TJP2: variants seen among roughly 807,000 people sequenced by gnomAD.
The protein encoded by TJP2 is tight junction protein 2, also known as Friedreich ataxia region gene X104 (tight junction protein ZO-2).
Under a neutral mutation model 133.1 loss-of-function variants are expected in TJP2, and 91 were observed. The ratio of observed to expected loss-of-function variants is 0.68; its 90% CI spans 0.58 to 0.81. TJP2 has a LOEUF of 0.81. Ranked by LOEUF, TJP2 falls within the 40% of genes least tolerant of loss-of-function variation. The pLI, the probability that TJP2 is intolerant of heterozygous loss-of-function variation, is 0.00. For synonymous variants in TJP2, 592 were observed against 583.4 expected (o/e 1.01, Z -0.21); for missense variants, 1,541 against 1,565.6 (o/e 0.98, Z 0.26).
chr9:69,122,438 C>T (rs1036425660), intron 1 of TJP2, among the ~76,000 whole-genome samples: 1 of 152,234 alleles, frequency 6.6e-6, no homozygotes, highest in Non-Finnish European at 1.5e-5. Flanking sequence ...CGGGGATCTC[C>T]TCCGCCTAAC....
At chr9:69,137,713 T>G (rs969001647) in intron 1 of TJP2, among the ~76,000 whole-genome samples, 3 of 152,048 alleles carry the variant, frequency 2.0e-5, no homozygotes, top group Non-Finnish European at 4.4e-5. Flanking sequence ...GAAGAAACTT[T>G]CCAGCTTTTC....
chr9:69,152,817 CTTTTTTTTTTTTTTT>C (rs10543289), intron 2 of TJP2, among the ~76,000 whole-genome samples: 16 of 48,034 alleles, frequency 3.3e-4, no homozygotes, highest in Admixed American at 1.0e-3. Context: ...CTCTGGAGCT[CTTTTTTTTTTTTTTT>C]TTTTTTTTTT....
intron 1 of TJP2, among the ~76,000 whole-genome samples, chr9:69,178,920 A>G (rs1248026392): frequency 2.0e-5 from 3 of 152,128 alleles, no homozygotes; most frequent in South Asian, 2.1e-4. Flanking sequence ...CTGTAAATGC[A>G]TTTAATTTCT....
At chr9:69,181,900 C>T (rs949219290) in intron 1 of TJP2, among the ~76,000 whole-genome samples, 9 of 152,180 alleles carry the variant, frequency 5.9e-5, no homozygotes, top group Non-Finnish European at 8.8e-5. Flanking sequence ...GTGCTGGATT[C>T]TCTTCCTTAC....
intron 2 of TJP2, among the ~76,000 whole-genome samples, chr9:69,214,866 C>CA (rs10672826): frequency 0.22 from 30,506 of 135,704 alleles, 3,850 homozygotes; most frequent in Admixed American, 0.39. Flanking sequence ...GACTCCATCT[C>CA]AAAAAAAAAA....
chr9:69,205,018 T>A (rs1827284895), intron 1 of TJP2: 1 of 1,407,502 alleles, frequency 7.1e-7, no homozygotes, highest in African/African-American at 1.4e-5. Context: ...GCCATATGGA[T>A]GTGTCACTGT....
At position 69,240,953 on chromosome 9, in the gene TJP2, A is replaced by T. The variant is rs531499263; in HGVS notation, c.2566+806A>T. Among the ~76,000 whole-genome samples the T allele has an allele frequency of 2.2e-4, 34 of 152,314 alleles. 1 individual carries two copies. In the East Asian group the frequency reaches 4.2e-3, roughly 19 times the overall value. On this transcript the variant is annotated intron_variant, in intron 17 of 22. Coordinates refer to ENST00000377245, the MANE Select transcript of TJP2 (RefSeq NM_004817.4). ...GGAATGCATACTAAATAAAATATTTATGGTTGACCTAATATAATGTTGAGA... is the reference window on the plus strand; with the variant it reads ...GGAATGCATACTAAATAAAATATTTTTGGTTGACCTAATATAATGTTGAGA...
chr9:69,178,228 A>T (rs1825238848), intron 1 of TJP2, among the ~76,000 whole-genome samples: 1 of 152,218 alleles, frequency 6.6e-6, no homozygotes, highest in Non-Finnish European at 1.5e-5. Context: ...AGTCTGGTAT[A>T]CAGACAGACT....
At chr9:69,161,124 C>T (rs963428187) in intron 2 of TJP2, among the ~76,000 whole-genome samples, 14 of 152,110 alleles carry the variant, frequency 9.2e-5, no homozygotes, top group African/African-American at 1.9e-4. Context: ...GGGGCTTCAA[C>T]GGATGGGAAG....
chr9:69,134,462 G>C (rs1364252968), intron 1 of TJP2, among the ~76,000 whole-genome samples: 1 of 152,216 alleles, frequency 6.6e-6, no homozygotes, highest in Admixed American at 6.5e-5. Flanking sequence ...TCTGGAGTGT[G>C]AGTGGTGTTG....
chr9:69,234,538 C>T lies in TJP2; in HGVS notation c.1771C>T (p.Arg591Ter), dbSNP rs764379398. 6.2e-6 allele frequency: 9 copies of T among 1,442,088 alleles called. No individual in the cohort carries two copies. Among genetic ancestry groups the T allele is most frequent in the Admixed American group, 2.1e-5 (1 of 48,060 alleles). 89.3% of individuals were successfully genotyped at this position (1,442,088 alleles called of 1,614,324 possible). A position where few individuals can be genotyped will look rare whatever the true frequency, so the allele number is the denominator to read the frequency against. Residue 591 changes from arginine to a stop codon, truncating the protein, a stop_gained, in exon 12 of 23, where the codon CGA (arginine) becomes TGA (stop). Coordinates refer to ENST00000377245, the MANE Select transcript of TJP2 (RefSeq NM_004817.4). LOFTEE classifies it high-confidence loss of function. ...AATGGTGACCATTTTAGCTCAGAGC[C>T]GAGCCGATGGTGAGCAAATTTGGTC... The part of the protein sequence containing the change: ...GEMVTILAQS[R>*]ADVYRDILAC...
intron 20 of TJP2, among the ~76,000 whole-genome samples, chr9:69,250,779 A>C (rs1330514629): frequency 6.6e-6 from 1 of 152,160 alleles, no homozygotes; most frequent in African/African-American, 2.4e-5. Context: ...ACCTCCAGCA[A>C]TCACAGCCCT....
intron 1 of TJP2, among the ~76,000 whole-genome samples, chr9:69,210,991 T>A (rs1827862685): frequency 6.6e-6 from 1 of 152,156 alleles, no homozygotes; most frequent in Non-Finnish European, 1.5e-5. Context: ...GCCTGAGTGC[T>A]GGAAATACAG....
rs1217138500 is a variant in TJP2 at position 69,237,064 on chromosome 9, C to T, written c.2107C>T (p.Arg703Trp). 8 of 1,614,000 alleles carry T rather than the reference C, an allele frequency of 5.0e-6. No individual in the cohort carries two copies. In the Middle Eastern group the frequency reaches 4.9e-4, roughly 99 times the overall value. The change falls in exon 14 of 23, where the codon CGG (arginine) becomes TGG (tryptophan). Residue 703 changes from arginine (R) to tryptophan (W), a missense_variant. Arg to Trp is a moderately radical substitution (Grantham distance 101). Transcript: ENST00000377245. ...SGVKKNLRKS[R>W]EDLTAVVSVS... Reference sequence around the variant, plus strand: ...GGTGAAGAAGAACCTGAGGAAAAGTCGGGAAGACCTCACAGCTGTTGTGTC... The same window carrying T: ...GGTGAAGAAGAACCTGAGGAAAAGTTGGGAAGACCTCACAGCTGTTGTGTC...
At chr9:69,145,728 A>G in intron 1 of TJP2, 1 of 1,232,050 alleles carries the variant, frequency 8.1e-7, no homozygotes, top group East Asian at 3.2e-5. Context: ...ATATATCGGT[A>G]TTCTGGAAGC....
At chr9:69,238,138 A>G (rs546191213) in intron 15 of TJP2, among the ~76,000 whole-genome samples, 165 bp downstream of exon 15, 2 of 152,284 alleles carry the variant, frequency 1.3e-5, no homozygotes, top group South Asian at 2.1e-4. Context: ...CCATAGACAC[A>G]CATACACACA....
chr9:69,221,137 G>A lies in TJP2; in HGVS notation c.593G>A (p.Gly198Asp). ...GACCTCAGCCGGGACCGGAGCCGTG[G>A]CCGGAGCCTGGAGCGGGGCCTGGAC... Reference protein sequence around the residue: ...ERDLSRDRSRGRSLERGLDQD... With the variant: ...ERDLSRDRSRDRSLERGLDQD... The change falls in exon 5 of 23, where the codon GGC becomes GAC. Residue 198 changes from glycine to aspartate, a missense_variant. Physicochemically the swap from Gly to Asp is moderately conservative, Grantham distance 94. Transcript: ENST00000377245. The A allele has an allele frequency of 6.3e-7, 1 of 1,590,844 alleles. No individual in the cohort carries two copies. The highest frequency in any genetic ancestry group is 8.6e-7 in the Non-Finnish European group (1 of 1,169,056).
chr9:69,230,104 T>C lies in TJP2; in HGVS notation c.1543T>C (p.Phe515Leu), dbSNP rs760229311. ...CAGCCCTAATACCAAAATGGTAAGG[T>C]TCAAGAAGGGAGACAGCGTGGGCCT... is the stretch of plus-strand genomic sequence containing the variant. ...IYGPNTKMVR[F>L]KKGDSVGLRL... The change falls in exon 11 of 23, where the codon TTC becomes CTC. Residue 515 changes from phenylalanine to leucine, a missense_variant. By Grantham distance (22) the Phe-to-Leu change is conservative. Coordinates refer to ENST00000377245, the MANE Select transcript of TJP2 (RefSeq NM_004817.4). 6.2e-7 allele frequency: 1 copy of C among 1,614,092 alleles called. No individual in the cohort carries two copies.
chr9:69,183,278 A>C (rs1314510714), intron 1 of TJP2, among the ~76,000 whole-genome samples: 1 of 152,168 alleles, frequency 6.6e-6, no homozygotes, highest in Non-Finnish European at 1.5e-5. Flanking sequence ...ATTACCACCT[A>C]GATTAAAAAC....
Sources: allele counts gnomAD v4.1 joint callset (sites outside exome capture counted in the v4.1 genomes callset), GRCh38; gene constraint gnomAD v4.1.1; transcripts MANE v1.5; gene names NCBI Gene and HGNC (gene_info 2026-07-23, HGNC 2026-07-21).